ARL15: variants seen among roughly 807,000 people sequenced by gnomAD.
The protein encoded by ARL15 is ADP-ribosylation factor-like protein 15.
Under a neutral mutation model 25.2 loss-of-function variants are expected in ARL15, and 19 were observed. That is an observed-to-expected ratio of 0.75 (90% CI 0.53 to 1.10). The LOEUF is 1.10. Among genes scored for constraint, ARL15 ranks in the 50% least tolerant of loss-of-function variants. The pLI, the probability that ARL15 is intolerant of heterozygous loss-of-function variation, is 0.00. For synonymous variants in ARL15, 94 were observed against 86.8 expected, an observed-to-expected ratio of 1.08 and a Z score of -0.46; for missense variants, 220 against 246.0, an observed-to-expected ratio of 0.89 and a Z score of 0.71.
intron 4 of ARL15, among the ~76,000 whole-genome samples, chr5:54,030,670 A>C (rs989638605): frequency 1.3e-5 from 2 of 152,190 alleles, no homozygotes; most frequent in African/African-American, 4.8e-5. Flanking sequence ...AGTGGGATAA[A>C]ATAAAGGCAG....
chr5:54,008,218 A>C (rs1425217855), intron 4 of ARL15, among the ~76,000 whole-genome samples: 1 of 152,208 alleles, frequency 6.6e-6, no homozygotes, highest in Non-Finnish European at 1.5e-5. Context: ...GAGATGAGTA[A>C]CCACCTAAGA....
At chr5:54,274,961 G>T (rs1359633843) in intron 1 of ARL15, among the ~76,000 whole-genome samples, 3 of 152,142 alleles carry the variant, frequency 2.0e-5, no homozygotes, top group Non-Finnish European at 4.4e-5. Flanking sequence ...TCTACCCACA[G>T]AAATAAAACT....
intron 4 of ARL15, among the ~76,000 whole-genome samples, chr5:53,977,278 C>A (rs945361279): frequency 6.6e-6 from 1 of 151,324 alleles, no homozygotes; most frequent in Admixed American, 6.6e-5. Flanking sequence ...ATGGCGTGAA[C>A]CCGGGAGGCG....
chr5:54,105,558 TTTA>T (rs1752563149), intron 4 of ARL15, among the ~76,000 whole-genome samples: 1 of 152,166 alleles, frequency 6.6e-6, no homozygotes, highest in Non-Finnish European at 1.5e-5. Flanking sequence ...AATAAATGAT[TTTA>T]TTAATTAAAA....
chr5:54,146,474 GTT>G (rs1753915932), intron 3 of ARL15, among the ~76,000 whole-genome samples: 1 of 152,224 alleles, frequency 6.6e-6, no homozygotes, highest in Non-Finnish European at 1.5e-5. Context: ...CCCATGGCTT[GTT>G]TTGTTAGAGG....
intron 4 of ARL15, among the ~76,000 whole-genome samples, chr5:53,926,790 T>G (rs1746041487): frequency 6.6e-6 from 1 of 152,180 alleles, no homozygotes; most frequent in East Asian, 1.9e-4. Context: ...GATACTATTC[T>G]GTATGGACCT....
At chr5:54,152,385 T>C (rs1429389645) in intron 3 of ARL15, among the ~76,000 whole-genome samples, 1 of 152,160 alleles carries the variant, frequency 6.6e-6, no homozygotes, top group Non-Finnish European at 1.5e-5. Context: ...GGTTGAGACA[T>C]AACCTAGTAC....
In ARL15 at chr5:54,216,823, C is replaced by T. The variant is rs565433178; in HGVS notation, c.49-44895G>A. Among the ~76,000 whole-genome samples, 10 of 152,226 alleles carry T rather than the reference C, an allele frequency of 6.6e-5. 1 individual carries two copies. The highest frequency in any genetic ancestry group is 2.2e-4 in the African/African-American group (9 of 41,534). The stretch of plus-strand genomic sequence containing the variant: ...TACAGTAGTTAAGAGAATGTATATA[C>T]CTTAGACCCGTACAAGTTAAGCATA... On this transcript the variant is annotated intron_variant, in intron 1 of 4. Coordinates refer to ENST00000504924, the MANE Select transcript of ARL15 (RefSeq NM_019087.3).
At chr5:54,166,791 TTC>T (rs1754586660) in intron 2 of ARL15, among the ~76,000 whole-genome samples, 1 of 152,164 alleles carries the variant, frequency 6.6e-6, no homozygotes, top group African/African-American at 2.4e-5. Context: ...TTTACATCAG[TTC>T]TGGGTCAGTT....
rs542194319 is a variant in ARL15, at chr5:53,958,745, AC to A, written c.463-72033del. ...AAAAAGATATTGTATGCACATAGTG[AC>A]CAAAAAACAGTTGGTGTGACTAAAA... On this transcript the variant is annotated intron_variant, in intron 4 of 4. Transcript: ENST00000504924. 4.1e-3 allele frequency among the ~76,000 whole-genome samples: 627 copies of A among 152,322 alleles called. 5 individuals are homozygous for A. Among genetic ancestry groups the A allele is most frequent in the Middle Eastern group, 0.034 (10 of 294 alleles).
Position 53,962,325 on chromosome 5 carries a change from T to C in ARL15, c.463-75612A>G, listed in dbSNP as rs141305825. On this transcript the variant is annotated intron_variant, in intron 4 of 4. Transcript: ENST00000504924. ...ACTCCATCTCTGGGGCTACCATGATTTATACAAGTAATTACCATTAAGTAT... is the reference window on the plus strand; with the variant it reads ...ACTCCATCTCTGGGGCTACCATGATCTATACAAGTAATTACCATTAAGTAT... 2.8e-4 allele frequency among the ~76,000 whole-genome samples: 42 copies of C among 152,268 alleles called. No individual in the cohort carries two copies. In the East Asian group the frequency reaches 7.1e-3, roughly 26 times the overall value.
chr5:54,299,564 C>A (rs79406591), intron 1 of ARL15, among the ~76,000 whole-genome samples: 1,799 of 131,794 alleles, frequency 0.014, 43 homozygotes, highest in African/African-American at 0.047. Flanking sequence ...CAGTATGTAA[C>A]AATAAATGTT....
chr5:54,292,528 G>A (rs1055777369), intron 1 of ARL15, among the ~76,000 whole-genome samples: 1 of 152,080 alleles, frequency 6.6e-6, no homozygotes, highest in Non-Finnish European at 1.5e-5. Flanking sequence ...ATAGACCCTC[G>A]TAAGCCCACT....
intron 4 of ARL15, among the ~76,000 whole-genome samples, chr5:53,995,303 CAAAAAA>C (rs34234639): frequency 6.7e-5 from 3 of 44,694 alleles, no homozygotes; most frequent in African/African-American, 1.7e-4. Context: ...GACTCCGTCA[CAAAAAA>C]AAAAAAAAAA....
At chr5:54,187,630 GCCCT>G (rs1755278062) in intron 1 of ARL15, among the ~76,000 whole-genome samples, 1 of 152,128 alleles carries the variant, frequency 6.6e-6, no homozygotes, top group Non-Finnish European at 1.5e-5. Context: ...AACATGTTTT[GCCCT>G]CTTAGTGTCC....
At chr5:54,023,356 T>G (rs1383081488) in intron 4 of ARL15, among the ~76,000 whole-genome samples, 5 of 151,624 alleles carry the variant, frequency 3.3e-5, no homozygotes, top group Non-Finnish European at 7.4e-5. Flanking sequence ...CAAATAACCC[T>G]CAGGAAGGCA....
intron 1 of ARL15, among the ~76,000 whole-genome samples, chr5:54,303,663 A>G (rs553622715): frequency 6.7e-6 from 1 of 150,332 alleles, no homozygotes; most frequent in African/African-American, 2.5e-5. Context: ...GTCAAAAAAA[A>G]AAAAAAAAGA....
intron 1 of ARL15, among the ~76,000 whole-genome samples, chr5:54,237,362 G>C (rs1328056528): frequency 6.6e-6 from 1 of 152,156 alleles, no homozygotes; most frequent in African/African-American, 2.4e-5. Flanking sequence ...CCAGTCTCTA[G>C]TATGTCTTTA....
chr5:54,062,707 T>C (rs1376951670), intron 4 of ARL15, among the ~76,000 whole-genome samples: 3 of 152,160 alleles, frequency 2.0e-5, no homozygotes, highest in Non-Finnish European at 4.4e-5. Context: ...GATGTCTTTA[T>C]CAGCAGTATG....
Sources: gnomAD v4.1 joint callset for allele counts (sites outside exome capture counted in the v4.1 genomes callset) on GRCh38, gnomAD v4.1.1 for gene constraint, MANE v1.5 for transcripts, NCBI Gene and HGNC (gene_info 2026-07-23, HGNC 2026-07-21) for gene names.